ZFPM2: variants seen among roughly 807,000 people sequenced by gnomAD.
ZFPM2 encodes zinc finger protein ZFPM2.
In ZFPM2, 20 loss-of-function variants were observed where a neutral mutation model predicts 98.6. The ratio of observed to expected loss-of-function variants is 0.20; its 90% CI spans 0.14 to 0.29. The LOEUF is 0.29. ZFPM2 is among the 10% of genes least tolerant of loss of function. ZFPM2 has a pLI of 1.00. For missense variants in ZFPM2, 1,310 were observed against 1,388.6 expected, an observed-to-expected ratio of 0.94 and a Z score of 0.90; for synonymous variants, 518 against 502.7, an observed-to-expected ratio of 1.03 and a Z score of -0.41.
In ZFPM2 at chr8:105,393,332, CTTTGCCTTTCTTTCTT is replaced by C. The variant is rs1348032225; in HGVS notation, c.41-25810_41-25795del. On this transcript the variant is annotated intron_variant, in intron 1 of 7. Transcript: ENST00000407775. ...TCCTTTCTTCCTTCCCTCTCTCTCTCTTTGCCTTTCTTTCTTTCTTTCTTTCTTTCTTTCTTTCTTT... is the reference window on the plus strand; with the variant it reads ...TCCTTTCTTCCTTCCCTCTCTCTCTCTCTTTCTTTCTTTCTTTCTTTCTTT... 1.3e-3 allele frequency among the ~76,000 whole-genome samples: 57 copies of C among 44,198 alleles called. 1 individual carries two copies. Among genetic ancestry groups the C allele is most frequent in the Middle Eastern group, 0.015 (1 of 68 alleles). 29.0% of individuals were successfully genotyped at this position (44,198 alleles called of 152,430 possible). A position where few individuals can be genotyped will look rare whatever the true frequency, so the allele number is the denominator to read the frequency against.
intron 1 of ZFPM2, among the ~76,000 whole-genome samples, chr8:105,320,629 C>T (rs1489944763): frequency 6.6e-6 from 1 of 152,120 alleles, no homozygotes; most frequent in Non-Finnish European, 1.5e-5. Flanking sequence ...ATGGCTGTCA[C>T]CTGGGTTTGT....
chr8:105,691,231 C>CTTTTT (rs869164122), intron 5 of ZFPM2, among the ~76,000 whole-genome samples: 776 of 67,952 alleles, frequency 0.011, 126 homozygotes, highest in Non-Finnish European at 0.015. Context: ...CCCAAAGAGA[C>CTTTTT]TTTTTTTTTT....
At chr8:105,625,163 C>A (rs1324606823) in intron 4 of ZFPM2, among the ~76,000 whole-genome samples, 1 of 152,074 alleles carries the variant, frequency 6.6e-6, no homozygotes, top group East Asian at 1.9e-4. Flanking sequence ...ATGTCTTTCC[C>A]ACTTGTCCTT....
chr8:105,364,601 T>C (rs936622536), intron 1 of ZFPM2, among the ~76,000 whole-genome samples: 2 of 151,000 alleles, frequency 1.3e-5, no homozygotes, highest in African/African-American at 4.9e-5. Context: ...TAATCAAATG[T>C]AGAGATTGTG....
chr8:105,505,296 A>G (rs2130486413), intron 3 of ZFPM2, among the ~76,000 whole-genome samples: 1 of 152,312 alleles, frequency 6.6e-6, no homozygotes, highest in Middle Eastern at 3.4e-3. Flanking sequence ...ACTAGTAGTA[A>G]TAGTATTAAT....
Position 105,742,290 on chromosome 8 carries a change from A to T in ZFPM2, c.533-46428A>T, listed in dbSNP as rs567924419. ...CTACTTGGGATGCTGAGGTGGGAAGATCACTTGAGCCCAGTAGTTCAAGGC... is the reference window on the plus strand; with the variant it reads ...CTACTTGGGATGCTGAGGTGGGAAGTTCACTTGAGCCCAGTAGTTCAAGGC... On this transcript the variant is annotated intron_variant, in intron 5 of 7. Transcript: ENST00000407775. 3.3e-5 allele frequency among the ~76,000 whole-genome samples: 5 copies of T among 151,506 alleles called. No individual in the cohort carries two copies. The East Asian group carries it at 5.9e-4, about 18-fold the overall frequency.
chr8:105,487,472 T>C (rs1440951244), intron 3 of ZFPM2, among the ~76,000 whole-genome samples: 2 of 152,134 alleles, frequency 1.3e-5, no homozygotes, highest in Non-Finnish European at 2.9e-5. Context: ...TTTTCCCCAT[T>C]AGAATGCAAA....
intron 1 of ZFPM2, among the ~76,000 whole-genome samples, chr8:105,371,726 C>A (rs1452070824): frequency 4.6e-5 from 7 of 151,878 alleles, no homozygotes; most frequent in Admixed American, 4.6e-4. Flanking sequence ...GGTGATACCA[C>A]CTTATATAAG....
At chr8:105,574,275 G>C (rs1354964784) in intron 4 of ZFPM2, among the ~76,000 whole-genome samples, 1 of 152,176 alleles carries the variant, frequency 6.6e-6, no homozygotes, top group African/African-American at 2.4e-5. Flanking sequence ...TATGGACTTA[G>C]TGCATTTATC....
intron 1 of ZFPM2, among the ~76,000 whole-genome samples, chr8:105,359,017 A>T (rs2129749177): frequency 6.6e-6 from 1 of 152,240 alleles, no homozygotes; most frequent in Middle Eastern, 3.4e-3. Flanking sequence ...AAACTCACTG[A>T]TATGGTTAGG....
intron 5 of ZFPM2, among the ~76,000 whole-genome samples, chr8:105,775,584 T>C (rs1813087279): frequency 6.6e-6 from 1 of 152,156 alleles, no homozygotes; most frequent in Non-Finnish European, 1.5e-5. Context: ...TATTAGTTGA[T>C]AAATGCTTTT....
At chr8:105,590,461 A>C (rs1291827700) in intron 4 of ZFPM2, among the ~76,000 whole-genome samples, 1 of 152,220 alleles carries the variant, frequency 6.6e-6, no homozygotes, top group Non-Finnish European at 1.5e-5. Flanking sequence ...GTTAAGCCAC[A>C]CACATATTAA....
At chr8:105,712,993 C>T (rs899357146) in intron 5 of ZFPM2, among the ~76,000 whole-genome samples, 4 of 151,902 alleles carry the variant, frequency 2.6e-5, no homozygotes, top group African/African-American at 7.2e-5. Flanking sequence ...TGGCAATAAA[C>T]GTATGAGTGC....
chr8:105,619,450 A>C (rs1816487627), intron 4 of ZFPM2, among the ~76,000 whole-genome samples: 1 of 152,158 alleles, frequency 6.6e-6, no homozygotes, highest in Non-Finnish European at 1.5e-5. Flanking sequence ...TATTCTACAT[A>C]GTAGATAACC....
intron 3 of ZFPM2, among the ~76,000 whole-genome samples, chr8:105,551,592 A>G (rs1814854325): frequency 6.6e-6 from 1 of 152,170 alleles, no homozygotes; most frequent in Non-Finnish European, 1.5e-5. Flanking sequence ...TTAGACTGAA[A>G]GGTTTCAAAG....
chr8:105,535,862 C>T (rs944774924), intron 3 of ZFPM2, among the ~76,000 whole-genome samples: 1 of 152,112 alleles, frequency 6.6e-6, no homozygotes, highest in Non-Finnish European at 1.5e-5. Context: ...ACTTTTAACC[C>T]TTTGTGACTG....
chr8:105,480,752 A>ATTT (rs765031551), intron 3 of ZFPM2, among the ~76,000 whole-genome samples: 1 of 140,968 alleles, frequency 7.1e-6, no homozygotes, highest in African/African-American at 2.6e-5. Context: ...GTGGGATTAC[A>ATTT]TTTTTTTTTT....
intron 4 of ZFPM2, among the ~76,000 whole-genome samples, chr8:105,561,836 A>G (rs530068384): frequency 6.6e-6 from 1 of 152,294 alleles, no homozygotes; most frequent in East Asian, 1.9e-4. Context: ...GGTTTTCATG[A>G]AGAACAAGAA....
intron 1 of ZFPM2, among the ~76,000 whole-genome samples, chr8:105,342,541 A>C (rs533289071): frequency 6.6e-6 from 1 of 152,084 alleles, no homozygotes; most frequent in Non-Finnish European, 1.5e-5. Flanking sequence ...TTTCACTTGG[A>C]TTTGCCTATT....
Sources: allele counts gnomAD v4.1 joint callset (sites outside exome capture counted in the v4.1 genomes callset), GRCh38; gene constraint gnomAD v4.1.1; transcripts MANE v1.5; gene names NCBI Gene and HGNC (gene_info 2026-07-23, HGNC 2026-07-21).